TMEM67: variants seen among roughly 807,000 people sequenced by gnomAD.
TMEM67 encodes transmembrane protein 67, also known as meckelin.
TMEM67 carries 124 observed loss-of-function variants against 136.6 expected under a neutral mutation model. The ratio of observed to expected loss-of-function variants is 0.91; its 90% CI spans 0.78 to 1.05. The LOEUF is 1.05. Ranked by LOEUF, TMEM67 falls within the 50% of genes least tolerant of loss-of-function variation. The pLI is 0.00. For synonymous variants in TMEM67, 364 were observed against 390.5 expected, an observed-to-expected ratio of 0.93 and a Z score of 0.80; for missense variants, 1,107 against 1,178.4, an observed-to-expected ratio of 0.94 and a Z score of 0.89.
intron 7 of TMEM67, among the ~76,000 whole-genome samples, chr8:93,773,963 G>A (rs1813427287): frequency 6.6e-6 from 1 of 151,946 alleles, no homozygotes; most frequent in African/African-American, 2.4e-5. Flanking sequence ...TTAAGCTAGA[G>A]GGAAGGTTTT....
chr8:93,831,531 A>G, the TMEM67 span, among the ~76,000 whole-genome samples: 2 of 152,202 alleles, frequency 1.3e-5, no homozygotes, highest in Non-Finnish European at 1.5e-5. Flanking sequence ...CAATCTTCCA[A>G]CCTTTTGAGA....
rs769381574 is a variant in TMEM67 at position 93,793,310 on chromosome 8, A to T, written c.1674+14A>T. ...ATTGATTTACAGGTATAATCTCAGG[A>T]GTTTTTTAAGAATATTTTTATCTTT... On this transcript the variant is annotated intron_variant, in intron 16 of 27. Transcript: ENST00000453321. 266 of 1,588,320 alleles carry T rather than the reference A, an allele frequency of 1.7e-4. 1 individual carries two copies. Among genetic ancestry groups the T allele is most frequent in the Non-Finnish European group, 2.1e-4 (245 of 1,156,672 alleles).
chr8:93,794,263 G>T (rs1482233184), intron 16 of TMEM67, among the ~76,000 whole-genome samples: 4 of 152,138 alleles, frequency 2.6e-5, no homozygotes, highest in African/African-American at 9.6e-5. Flanking sequence ...TTGGGATCTT[G>T]TTTAGGAAAA....
downstream of TMEM67, among the ~76,000 whole-genome samples, chr8:93,820,224 A>G (rs971901685): frequency 2.6e-5 from 4 of 152,118 alleles, no homozygotes; most frequent in Admixed American, 6.5e-5. Flanking sequence ...ATCTGTTTCT[A>G]GGACCTGTGA....
intron 7 of TMEM67, among the ~76,000 whole-genome samples, chr8:93,777,060 T>C (rs1171540928): frequency 1.3e-5 from 2 of 152,246 alleles, no homozygotes; most frequent in Non-Finnish European, 2.9e-5. Context: ...AGATTCAACT[T>C]CTTCCTGGTT....
downstream of TMEM67, among the ~76,000 whole-genome samples, chr8:93,823,637 C>T (rs1477333992): frequency 6.6e-6 from 1 of 152,068 alleles, no homozygotes; most frequent in Non-Finnish European, 1.5e-5. Flanking sequence ...GAAGGAACAG[C>T]ATGTGCAAAG....
intron 7 of TMEM67, among the ~76,000 whole-genome samples, chr8:93,780,095 C>T (rs566918205): frequency 1.3e-5 from 2 of 152,170 alleles, no homozygotes; most frequent in South Asian, 4.2e-4. Context: ...GACACCCCTC[C>T]CCCTGCCAGC....
intron 14 of TMEM67, 84 bp downstream of exon 14, chr8:93,788,033 CTTT>C: frequency 7.7e-5 from 60 of 776,620 alleles, no homozygotes; most frequent in Non-Finnish European, 1.0e-4. Flanking sequence ...AAAAGACAGT[CTTT>C]TTTTTTTTTT....
chr8:93,821,939 T>C (rs1358843905), downstream of TMEM67, among the ~76,000 whole-genome samples: 1 of 152,192 alleles, frequency 6.6e-6, no homozygotes, highest in South Asian at 2.1e-4. Flanking sequence ...AAATAAAAGA[T>C]TGGTAAATTG....
chr8:93,804,244 G>A (rs1019317786), intron 22 of TMEM67, among the ~76,000 whole-genome samples: 12 of 148,276 alleles, frequency 8.1e-5, no homozygotes, highest in Non-Finnish European at 3.0e-5. Context: ...ATTCATTCCA[G>A]TACCCCTGAA....
In TMEM67 at chr8:93,797,211, A is replaced by G; in HGVS notation, c.1938A>G (p.Gly646=). 2 of 1,613,014 alleles carry G rather than the reference A, an allele frequency of 1.2e-6. No homozygotes were observed. Among genetic ancestry groups the G allele is most frequent in the South Asian group, 2.2e-5 (2 of 91,062 alleles). The part of the protein sequence containing the change: ...VFFIDWERPK[G]KVLKAVEGEG... ...TTATTGATTGGGAGCGACCTAAAGG[A>G]AAGGTTCTTAAAGCTGTTGAAGGTA... The change falls in exon 19 of 28, where the codon GGA becomes GGG. Residue 646 remains glycine (G), a synonymous_variant. Transcript: ENST00000453321.
At chr8:93,819,036 C>T (rs1004556210), downstream of TMEM67, 2 of 446,054 alleles carry the variant, frequency 4.5e-6, no homozygotes, top group East Asian at 7.0e-5. Flanking sequence ...AACTCCTGAT[C>T]GAGAGATTCA....
At chr8:93,825,471 G>A in the TMEM67 span, among the ~76,000 whole-genome samples, 2 of 152,170 alleles carry the variant, frequency 1.3e-5, no homozygotes, top group African/African-American at 2.4e-5. Context: ...TTCTGAACAT[G>A]TCTGGGTCTA....
At chr8:93,761,869 GAA>G (rs985724676) in intron 3 of TMEM67, 10 of 152,178 alleles carry the variant, frequency 6.6e-5, no homozygotes, top group African/African-American at 2.4e-4. Context: ...GGTTATTTCT[GAA>G]AAGACTCATA....
At chr8:93,821,071 C>A (rs1161791209), downstream of TMEM67, among the ~76,000 whole-genome samples, 1 of 152,194 alleles carries the variant, frequency 6.6e-6, no homozygotes, top group African/African-American at 2.4e-5. Context: ...TATATACACA[C>A]ACATGACAAG....
chr8:93,762,806 T>C, intron 3 of TMEM67: 1 of 272,576 alleles, frequency 3.7e-6, no homozygotes, highest in Non-Finnish European at 7.6e-6. Context: ...CTACACTATA[T>C]AGCCACAGGA....
chr8:93,774,929 T>C (rs926695257), intron 7 of TMEM67, among the ~76,000 whole-genome samples: 3 of 152,196 alleles, frequency 2.0e-5, no homozygotes, highest in Non-Finnish European at 4.4e-5. Context: ...CTTGAGGAAT[T>C]GCCACACTGT....
At chr8:93,811,226 T>C (rs900587884) in intron 26 of TMEM67, 1 of 152,208 alleles carries the variant, frequency 6.6e-6, no homozygotes, top group African/African-American at 2.4e-5. Flanking sequence ...TAACCAGATA[T>C]GAGGTAAAGC....
chr8:93,829,382 C>CTCTCTCTGTGTG, the TMEM67 span, among the ~76,000 whole-genome samples: 1 of 137,504 alleles, frequency 7.3e-6, no homozygotes, highest in African/African-American at 2.9e-5. Context: ...CTCTCTCTCT[C>CTCTCTCTGTGTG]TGTGTGTGTG....
Sources: gnomAD v4.1 joint callset for allele counts (sites outside exome capture counted in the v4.1 genomes callset) on GRCh38, gnomAD v4.1.1 for gene constraint, MANE v1.5 for transcripts, NCBI Gene and HGNC (gene_info 2026-07-23, HGNC 2026-07-21) for gene names.